Variants in KCNMA1 observed in about 807,000 individuals in gnomAD.
KCNMA1 encodes potassium calcium-activated channel subfamily M alpha 1.
KCNMA1 carries 29 observed loss-of-function variants against 140.0 expected under a neutral mutation model. The ratio of observed to expected loss-of-function variants is 0.21; its 90% CI spans 0.15 to 0.28. The LOEUF is 0.28. KCNMA1 is among the 10% of genes least tolerant of loss of function. The probability of loss-of-function intolerance (pLI) is 1.00; values close to 1 mark genes in which losing one functional copy is unlikely to be tolerated. For synonymous variants in KCNMA1, 612 were observed against 611.9 expected (o/e 1.00, Z 0.00); for missense variants, 880 against 1,602.2 (o/e 0.55, Z 7.70).
intron 1 of KCNMA1, among the ~76,000 whole-genome samples, chr10:77,548,598 C>T (rs1449427211): frequency 6.6e-6 from 1 of 152,180 alleles, no homozygotes; most frequent in Non-Finnish European, 1.5e-5. Flanking sequence ...TGCTTCCAAC[C>T]TACCAGCAGG....
intron 14 of KCNMA1, chr10:77,071,079 C>G (rs540475830): frequency 6.6e-6 from 1 of 152,326 alleles, no homozygotes; most frequent in Non-Finnish European, 1.5e-5. Context: ...CCAGGCCCAG[C>G]CTTTCCCACA....
chr10:77,312,013 G>A (rs2079447077), intron 2 of KCNMA1, among the ~76,000 whole-genome samples: 1 of 152,208 alleles, frequency 6.6e-6, no homozygotes, highest in South Asian at 2.1e-4. Context: ...GATGTTGTTG[G>A]ATTCAACCTG....
chr10:77,183,809 T>A (rs527896217), intron 4 of KCNMA1, among the ~76,000 whole-genome samples: 29 of 152,130 alleles, frequency 1.9e-4, no homozygotes, highest in Non-Finnish European at 3.5e-4. Context: ...ATTTTTAAGG[T>A]CTGGAGGGAG....
chr10:76,885,251 A>T lies in KCNMA1; in HGVS notation c.*2015T>A. 3.9e-6 allele frequency: 2 copies of T among 511,198 alleles called. No individual in the cohort carries two copies. The highest frequency in any genetic ancestry group is 8.7e-5 in the South Asian group (1 of 11,518). The allele number at this position is 511,198 out of a possible 1,614,324, so 31.7% of individuals were successfully genotyped here. A position where few individuals can be genotyped will look rare whatever the true frequency, so the allele number is the denominator to read the frequency against. On this transcript the variant is annotated 3_prime_UTR_variant, in exon 28 of 28. Transcript: ENST00000286628. Reference sequence around the variant, plus strand: ...TATAATTATATAGTTATATATATATAATTATATATAGTTTATATAAAGAGA... The same window carrying T: ...TATAATTATATAGTTATATATATATTATTATATATAGTTTATATAAAGAGA...
At chr10:77,248,330 C>G (rs2059009694) in intron 3 of KCNMA1, among the ~76,000 whole-genome samples, 1 of 152,118 alleles carries the variant, frequency 6.6e-6, no homozygotes, top group Non-Finnish European at 1.5e-5. Flanking sequence ...GAATCTCAAA[C>G]TTGTGCTACA....
At chr10:77,117,332 T>C (rs1256752011) in intron 6 of KCNMA1, among the ~76,000 whole-genome samples, 1 of 151,726 alleles carries the variant, frequency 6.6e-6, no homozygotes, top group African/African-American at 2.4e-5. Flanking sequence ...GCAGATCACC[T>C]GAGGTCAAAA....
intron 23 of KCNMA1, 71 bp from the exon 24 acceptor site, chr10:76,915,120 T>C: frequency 1.9e-6 from 2 of 1,047,928 alleles, no homozygotes; most frequent in African/African-American, 1.6e-5. Flanking sequence ...CAGAGTACAC[T>C]ATATACATAC....
intron 19 of KCNMA1, among the ~76,000 whole-genome samples, chr10:76,982,537 T>C (rs140351165): frequency 8.1e-4 from 123 of 152,110 alleles, no homozygotes; most frequent in African/African-American, 2.4e-3. Context: ...GGCAAGGTGG[T>C]TGGAAAATAC....
At chr10:77,236,380 A>C (rs934239017) in intron 3 of KCNMA1, among the ~76,000 whole-genome samples, 1 of 152,156 alleles carries the variant, frequency 6.6e-6, no homozygotes, top group African/African-American at 2.4e-5. Flanking sequence ...AGTCCTATGC[A>C]TTATCGAACC....
chr10:77,050,422 T>A (rs1378180868), intron 14 of KCNMA1, among the ~76,000 whole-genome samples: 2 of 152,148 alleles, frequency 1.3e-5, no homozygotes, highest in African/African-American at 4.8e-5. Flanking sequence ...CTTTGAAGGA[T>A]CTTTACTATT....
chr10:77,395,032 C>T (rs2095991503), intron 2 of KCNMA1, among the ~76,000 whole-genome samples: 1 of 152,150 alleles, frequency 6.6e-6, no homozygotes, highest in Non-Finnish European at 1.5e-5. Flanking sequence ...TCACAAAATA[C>T]ACTTATTTTG....
At chr10:77,491,137 A>G (rs2039676854) in intron 1 of KCNMA1, among the ~76,000 whole-genome samples, 1 of 152,208 alleles carries the variant, frequency 6.6e-6, no homozygotes, top group Non-Finnish European at 1.5e-5. Context: ...TCCTGAATCC[A>G]AAATCCCCCA....
chr10:77,110,448 A>G, intron 7 of KCNMA1, 105 bp from the exon 8 acceptor site: 1 of 934,708 alleles, frequency 1.1e-6, no homozygotes, highest in Non-Finnish European at 1.8e-6. Flanking sequence ...TTGCTACTGC[A>G]CACCACTCTC....
At chr10:77,232,199 G>C (rs1212873030) in intron 3 of KCNMA1, among the ~76,000 whole-genome samples, 2 of 152,210 alleles carry the variant, frequency 1.3e-5, no homozygotes, top group African/African-American at 4.8e-5. Flanking sequence ...TGGGCATTTA[G>C]ATTGTTTCGC....
intron 1 of KCNMA1, among the ~76,000 whole-genome samples, chr10:77,540,678 G>A (rs2059964164): frequency 6.6e-6 from 1 of 152,206 alleles, no homozygotes; most frequent in South Asian, 2.1e-4. Flanking sequence ...CCAGAATTAT[G>A]AAAATGTATC....
At chr10:77,285,347 A>G (rs1353305298) in intron 2 of KCNMA1, among the ~76,000 whole-genome samples, 1 of 152,174 alleles carries the variant, frequency 6.6e-6, no homozygotes, top group Non-Finnish European at 1.5e-5. Flanking sequence ...GCATCTATGC[A>G]AGCCAAATAT....
intron 24 of KCNMA1, chr10:76,910,900 C>T (rs1405637404): frequency 6.6e-6 from 1 of 152,432 alleles, no homozygotes; most frequent in East Asian, 1.9e-4. Context: ...CATGTACGTG[C>T]AGGCTGATTA....
At chr10:76,972,244 A>G (rs1592379852) in intron 19 of KCNMA1, among the ~76,000 whole-genome samples, 1 of 152,238 alleles carries the variant, frequency 6.6e-6, no homozygotes, top group Middle Eastern at 3.4e-3. Context: ...TAATTCAGTT[A>G]GACTTCTTAA....
At chr10:77,117,449 T>C (rs1270831736) in intron 6 of KCNMA1, among the ~76,000 whole-genome samples, 1 of 139,746 alleles carries the variant, frequency 7.2e-6, no homozygotes, top group African/African-American at 2.7e-5. Flanking sequence ...CTCGGGAGGC[T>C]GAGGCAGGAG....
Sources: allele counts gnomAD v4.1 joint callset (sites outside exome capture counted in the v4.1 genomes callset), GRCh38; gene constraint gnomAD v4.1.1; transcripts MANE v1.5; gene names NCBI Gene and HGNC (gene_info 2026-07-23, HGNC 2026-07-21).